C16orf96: variants seen among roughly 807,000 people sequenced by gnomAD.
The protein encoded by C16orf96 is chromosome 16 open reading frame 96, also known as uncharacterized protein C16orf96.
A neutral mutation model predicts 103.6 loss-of-function variants in C16orf96; 108 were observed. That is an observed-to-expected ratio of 1.04 (90% CI 0.89 to 1.22). C16orf96 has a LOEUF of 1.22. C16orf96 is among the 50% of genes most tolerant of loss of function. The probability of loss-of-function intolerance (pLI) is 0.00; values close to 1 mark genes in which losing one functional copy is unlikely to be tolerated. For missense variants in C16orf96, 1,586 were observed against 1,464.2 expected (o/e 1.08, Z -1.36); for synonymous variants, 566 against 593.5 (o/e 0.95, Z 0.67).
At chr16:4,586,303 G>T (rs935786059) in intron 7 of C16orf96, among the ~76,000 whole-genome samples, 3 of 152,214 alleles carry the variant, frequency 2.0e-5, no homozygotes, top group African/African-American at 4.8e-5. Context: ...ATTCACTTCT[G>T]TTGACACCCC....
At chr16:4,563,807 G>C (rs1300785492) in intron 1 of C16orf96, among the ~76,000 whole-genome samples, 1 of 148,568 alleles carries the variant, frequency 6.7e-6, no homozygotes, top group African/African-American at 2.5e-5. Flanking sequence ...GAGCTCAGGT[G>C]ATCCACCCGC....
At chr16:4,544,199 C>G in the C16orf96 span, among the ~76,000 whole-genome samples, 5 of 152,220 alleles carry the variant, frequency 3.3e-5, no homozygotes, top group African/African-American at 1.2e-4. Flanking sequence ...TTGCTGATCT[C>G]TGGAGCCCAC....
the C16orf96 span, among the ~76,000 whole-genome samples, chr16:4,546,556 C>G: frequency 6.7e-6 from 1 of 149,856 alleles, no homozygotes; most frequent in African/African-American, 2.4e-5. Context: ...CCTCGACCTT[C>G]CAAGCTCAAG....
intron 9 of C16orf96, among the ~76,000 whole-genome samples, chr16:4,590,212 CA>C (rs1414424503): frequency 6.6e-6 from 1 of 151,832 alleles, no homozygotes; most frequent in Non-Finnish European, 1.5e-5. Flanking sequence ...CACTTGAGCC[CA>C]GGGGTTTGAG....
In C16orf96 at chr16:4,576,870, A is replaced by G. The variant is rs561727217; in HGVS notation, c.2155+235A>G. On this transcript the variant is annotated intron_variant, in intron 5 of 15. Transcript: ENST00000444310. Reference sequence around the variant, plus strand: ...GCTGTTAGGGTCTAAAGTTGGCACGAGGAAAATGGCATGCCAAAATTACTC... The same window carrying G: ...GCTGTTAGGGTCTAAAGTTGGCACGGGGAAAATGGCATGCCAAAATTACTC... Among the ~76,000 whole-genome samples the G allele has an allele frequency of 8.5e-4, 130 of 152,302 alleles. 1 individual carries two copies. The highest frequency in any genetic ancestry group is 3.4e-3 in the Middle Eastern group (1 of 294).
At position 4,592,317 on chromosome 16, in the gene C16orf96, G is replaced by C. The variant is rs772922912; in HGVS notation, c.2724G>C (p.Lys908Asn). ...ATGTGCCTTTCAGGAAGCTGTTCAA[G>C]CGCGTGAAGTGCATCTCCTGTGACC... ...SAAGFRRKLF[K>N]RVKCISCDRP... is the part of the protein sequence containing the mutation. Residue 908 changes from lysine to asparagine, a missense_variant, in exon 11 of 16, where the codon AAG becomes AAC. Lys to Asn is a moderately conservative substitution (Grantham distance 94). Coordinates refer to ENST00000444310, the MANE Select transcript of C16orf96 (RefSeq NM_001145011.2). The C allele has an allele frequency of 1.0e-5, 16 of 1,551,664 alleles. No homozygotes were observed. The highest frequency in any genetic ancestry group is 1.3e-5 in the Non-Finnish European group (15 of 1,146,980).
rs2059479588 is a variant in C16orf96 at position 4,574,755 on chromosome 16, A to G, written c.572A>G (p.Gln191Arg). 18 of 1,551,872 alleles carry G rather than the reference A, an allele frequency of 1.2e-5. No homozygotes were observed. Among genetic ancestry groups the G allele is most frequent in the Non-Finnish European group, 1.5e-5 (17 of 1,147,090 alleles). ...MDIFAEDFKI[Q>R]NWKMVALQRE... ...ATCTTTGCTGAAGACTTCAAAATAC[A>G]GAACTGGAAGATGGTTGCACTGCAG... The change falls in exon 3 of 16, where the codon CAG (glutamine) becomes CGG (arginine). Residue 191 changes from glutamine to arginine, a missense_variant. Gln to Arg is a conservative substitution (Grantham distance 43). Coordinates refer to ENST00000444310, the MANE Select transcript of C16orf96 (RefSeq NM_001145011.2).
chr16:4,587,916 A>G (rs1896966730), intron 8 of C16orf96, among the ~76,000 whole-genome samples: 1 of 152,202 alleles, frequency 6.6e-6, no homozygotes, highest in Non-Finnish European at 1.5e-5. Flanking sequence ...AGCCTGGGCA[A>G]CCTTGAACAA....
chr16:4,578,813 G>A (rs539275812), intron 5 of C16orf96, 127 bp from the exon 6 acceptor site: 18 of 516,488 alleles, frequency 3.5e-5, no homozygotes, highest in African/African-American at 2.7e-4. Flanking sequence ...ACCACAAGCT[G>A]CGAGGCCCAG....
At chr16:4,585,890 T>TG (rs1393625020) in intron 7 of C16orf96, among the ~76,000 whole-genome samples, 1 of 152,030 alleles carries the variant, frequency 6.6e-6, no homozygotes, top group Admixed American at 6.6e-5. Context: ...AGCTAAGCCA[T>TG]AGGTGTGAAA....
At chr16:4,586,632 G>C (rs1006010771) in intron 7 of C16orf96, among the ~76,000 whole-genome samples, 1 of 152,210 alleles carries the variant, frequency 6.6e-6, no homozygotes, top group African/African-American at 2.4e-5. Context: ...CCTAACGCTT[G>C]AGCACAGTGT....
chr16:4,563,305 A>C (rs371545214), intron 1 of C16orf96, among the ~76,000 whole-genome samples: 1 of 152,112 alleles, frequency 6.6e-6, no homozygotes, highest in African/African-American at 2.4e-5. Flanking sequence ...GCTGGGGTGC[A>C]GTGGCTCGAT....
Position 4,594,515 on chromosome 16 carries a change from G to C in C16orf96, c.3027+5G>C. 6.5e-7 allele frequency: 1 copy of C among 1,550,124 alleles called. No homozygotes were observed. The highest frequency in any genetic ancestry group is 8.7e-7 in the Non-Finnish European group (1 of 1,146,074). On this transcript the variant is annotated splice_donor_5th_base_variant and intron_variant, in intron 13 of 15. Transcript: ENST00000444310. ...CACGTGATCGACTATGACAGCGTGAGTCTGGCCGGGGCCTCCTTCTCAGAG... is the reference window on the plus strand; with the variant it reads ...CACGTGATCGACTATGACAGCGTGACTCTGGCCGGGGCCTCCTTCTCAGAG...
chr16:4,547,220 G>A, the C16orf96 span, among the ~76,000 whole-genome samples: 267 of 152,196 alleles, frequency 1.8e-3, 4 homozygotes, highest in African/African-American at 6.2e-3. Context: ...CTGGAACCTC[G>A]ACATCCCAGG....
At chr16:4,594,566 C>T in intron 13 of C16orf96, 56 bp downstream of exon 13, 1 of 1,543,554 alleles carries the variant, frequency 6.5e-7, no homozygotes, top group Non-Finnish European at 8.8e-7. Context: ...ACCCCAGCCC[C>T]AGGTGTGGGA....
chr16:4,590,883 T>A (rs1476442418), intron 9 of C16orf96, among the ~76,000 whole-genome samples: 20 of 138,724 alleles, frequency 1.4e-4, no homozygotes, highest in Admixed American at 4.2e-4. Flanking sequence ...AAAAAAAAAA[T>A]TAGTCGGGTT....
intron 1 of C16orf96, among the ~76,000 whole-genome samples, chr16:4,569,331 G>A (rs2059412670): frequency 6.6e-6 from 1 of 152,054 alleles, no homozygotes; most frequent in African/African-American, 2.4e-5. Flanking sequence ...AACTATTCTT[G>A]TTAATTAACT....
At chr16:4,574,638 A>G (rs2059478313) in intron 2 of C16orf96, 71 bp from the exon 3 acceptor site, 1 of 1,266,910 alleles carries the variant, frequency 7.9e-7, no homozygotes, top group Non-Finnish European at 1.1e-6. Context: ...TTAGTCACCT[A>G]GAGCCACGGG....
upstream of C16orf96, among the ~76,000 whole-genome samples, chr16:4,556,098 A>T (rs142622276): frequency 2.7e-3 from 410 of 152,194 alleles, no homozygotes; most frequent in African/African-American, 8.1e-3. Context: ...CCAAGGAGGG[A>T]GCTGCCTCTC....
Sources: allele counts gnomAD v4.1 joint callset (sites outside exome capture counted in the v4.1 genomes callset), GRCh38; gene constraint gnomAD v4.1.1; transcripts MANE v1.5; gene names NCBI Gene and HGNC (gene_info 2026-07-23, HGNC 2026-07-21).